GPC5: variants seen among roughly 807,000 people sequenced by gnomAD.
GPC5 encodes glypican-5.
In GPC5, 47 loss-of-function variants were observed where a neutral mutation model predicts 53.9. That is an observed-to-expected ratio of 0.87 (90% CI 0.69 to 1.11). GPC5 has a LOEUF of 1.11. Ranked by LOEUF, GPC5 falls within the 50% of genes most tolerant of loss-of-function variation. GPC5 has a pLI of 0.00. For synonymous variants in GPC5, 286 were observed against 263.3 expected (o/e 1.09, Z -0.84); for missense variants, 748 against 713.1 (o/e 1.05, Z -0.56).
intron 6 of GPC5, among the ~76,000 whole-genome samples, chr13:92,028,180 G>T (rs1171742170): frequency 2.6e-5 from 4 of 151,962 alleles, no homozygotes; most frequent in African/African-American, 9.7e-5. Context: ...TTTTTAAATG[G>T]TTTATACCTG....
chr13:91,738,845 C>T (rs1200747335), intron 4 of GPC5, among the ~76,000 whole-genome samples: 1 of 151,178 alleles, frequency 6.6e-6, no homozygotes, highest in Non-Finnish European at 1.5e-5. Flanking sequence ...TTACTCTTAC[C>T]AATATTTTCA....
At chr13:91,816,221 G>A (rs1241069826) in intron 5 of GPC5, among the ~76,000 whole-genome samples, 5 of 152,212 alleles carry the variant, frequency 3.3e-5, no homozygotes, top group South Asian at 2.1e-4. Context: ...TAAGCTCTTC[G>A]TGTGCAAGTA....
Position 91,456,703 on chromosome 13 carries a change from C to T in GPC5, c.325+7781C>T, listed in dbSNP as rs77560431. ...GAATTCTTTAAAAAAATTTTTACCCCGTGGAACAAACTTAAAAATTATATT... is the reference window on the plus strand; with the variant it reads ...GAATTCTTTAAAAAAATTTTTACCCTGTGGAACAAACTTAAAAATTATATT... On this transcript the variant is annotated intron_variant, in intron 2 of 7. Coordinates refer to ENST00000377067, the MANE Select transcript of GPC5 (RefSeq NM_004466.6). Among the ~76,000 whole-genome samples, 1,343 of 151,804 alleles carry T rather than the reference C, an allele frequency of 8.8e-3. 78 individuals carry two copies. The East Asian group carries it at 0.17, about 19-fold the overall frequency.
intron 7 of GPC5, among the ~76,000 whole-genome samples, chr13:92,801,354 A>G (rs895501001): frequency 6.6e-5 from 10 of 151,818 alleles, no homozygotes; most frequent in African/African-American, 2.4e-4. Context: ...CTGTTGTAAC[A>G]TCTTAGCACA....
At chr13:91,576,351 T>TA (rs2032136202) in intron 2 of GPC5, among the ~76,000 whole-genome samples, 1 of 151,894 alleles carries the variant, frequency 6.6e-6, no homozygotes, top group South Asian at 2.1e-4. Flanking sequence ...AAATCTGTTG[T>TA]ACACCACAAA....
chr13:92,619,909 T>C (rs1015336134), intron 7 of GPC5, among the ~76,000 whole-genome samples: 1 of 152,100 alleles, frequency 6.6e-6, no homozygotes, highest in African/African-American at 2.4e-5. Flanking sequence ...ATCACTTGAA[T>C]ACTGTTTAAC....
chr13:92,240,319 A>G (rs1487596788), intron 7 of GPC5: 2 of 151,972 alleles, frequency 1.3e-5, no homozygotes, highest in Admixed American at 1.3e-4. Flanking sequence ...ATATTCCAAT[A>G]ATATATTAAG....
chr13:92,311,742 C>T (rs986631806), intron 7 of GPC5, among the ~76,000 whole-genome samples: 19 of 152,154 alleles, frequency 1.2e-4, no homozygotes, highest in African/African-American at 4.1e-4. Flanking sequence ...ATTCAGTTAC[C>T]TCCCACTGGG....
intron 2 of GPC5, among the ~76,000 whole-genome samples, chr13:91,521,074 T>C (rs1320796160): frequency 2.6e-5 from 4 of 152,200 alleles, no homozygotes; most frequent in African/African-American, 9.6e-5. Context: ...CTGAATTGTA[T>C]TGATGGTTAC....
At chr13:92,238,072 A>G (rs929274046) in intron 7 of GPC5, among the ~76,000 whole-genome samples, 1 of 152,010 alleles carries the variant, frequency 6.6e-6, no homozygotes, top group Non-Finnish European at 1.5e-5. Flanking sequence ...CTTTCAATGG[A>G]TATCATTTAA....
intron 7 of GPC5, among the ~76,000 whole-genome samples, chr13:92,827,776 AC>A (rs1169934130): frequency 6.6e-6 from 1 of 152,134 alleles, no homozygotes; most frequent in Non-Finnish European, 1.5e-5. Flanking sequence ...TAGCACTTAC[AC>A]AGAGGACACA....
At chr13:91,967,364 G>T (rs995140329) in intron 6 of GPC5, among the ~76,000 whole-genome samples, 1 of 151,940 alleles carries the variant, frequency 6.6e-6, no homozygotes, top group Non-Finnish European at 1.5e-5. Flanking sequence ...TATTTATCTT[G>T]ATCATTTTTA....
chr13:92,231,856 C>G (rs1244784906), intron 7 of GPC5, among the ~76,000 whole-genome samples: 1 of 152,084 alleles, frequency 6.6e-6, no homozygotes, highest in Non-Finnish European at 1.5e-5. Context: ...ATCCCAGCTG[C>G]TCGGGAGGCT....
At chr13:91,820,973 T>A (rs1410387050) in intron 5 of GPC5, among the ~76,000 whole-genome samples, 124 of 144,552 alleles carry the variant, frequency 8.6e-4, no homozygotes, top group African/African-American at 3.0e-3. Context: ...AAAAAAAAAA[T>A]AAACAAATAA....
At chr13:92,002,245 A>G (rs1442229915) in intron 6 of GPC5, among the ~76,000 whole-genome samples, 1 of 152,050 alleles carries the variant, frequency 6.6e-6, no homozygotes, top group Non-Finnish European at 1.5e-5. Context: ...ATACAGGGAG[A>G]ACAAAGAGGT....
chr13:92,777,049 A>G (rs1028100480), intron 7 of GPC5, among the ~76,000 whole-genome samples: 15 of 140,604 alleles, frequency 1.1e-4, no homozygotes, highest in South Asian at 7.1e-4. Context: ...AAAAAAAAAA[A>G]GGCTGGGTGT....
In GPC5 at chr13:91,737,484, A is replaced by G. The variant is rs370746760; in HGVS notation, c.1154+8819A>G. On this transcript the variant is annotated intron_variant, in intron 4 of 7. Coordinates refer to ENST00000377067, the MANE Select transcript of GPC5 (RefSeq NM_004466.6). ...GAAACAAAATAATTTAGCAGTTTCC[A>G]TAGCTTAGTTTCTGTAATAGCTGAA... Among the ~76,000 whole-genome samples the G allele has an allele frequency of 1.2e-3, 78 of 63,626 alleles. 6 individuals are homozygous for G. The highest frequency in any genetic ancestry group is 4.4e-3 in the African/African-American group (70 of 16,040). The allele number at this position is 63,626 out of a possible 152,430, so 41.7% of individuals were successfully genotyped here.
chr13:92,694,312 A>T (rs1038740996), intron 7 of GPC5, among the ~76,000 whole-genome samples: 5 of 152,150 alleles, frequency 3.3e-5, no homozygotes, highest in Non-Finnish European at 7.4e-5. Context: ...GAAAGGGGCC[A>T]CCATCCTCCA....
chr13:92,375,303 T>C (rs1011044319), intron 7 of GPC5, among the ~76,000 whole-genome samples: 1 of 152,180 alleles, frequency 6.6e-6, no homozygotes, highest in African/African-American at 2.4e-5. Flanking sequence ...TTACAGAGTC[T>C]CATAGATTTT....
Sources: allele counts gnomAD v4.1 joint callset (sites outside exome capture counted in the v4.1 genomes callset), GRCh38; gene constraint gnomAD v4.1.1; transcripts MANE v1.5; gene names NCBI Gene and HGNC (gene_info 2026-07-23, HGNC 2026-07-21).